The following CNOT2 variants were observed in gnomAD, a reference collection of about 807,000 sequenced individuals.
The protein encoded by CNOT2 is CC chemokine receptor 4-negative regulator of transcription 2.
A neutral mutation model predicts 72.1 loss-of-function variants in CNOT2; 7 were observed. The ratio of observed to expected loss-of-function variants is 0.10; its 90% CI spans 0.06 to 0.18. The LOEUF (loss-of-function observed/expected upper bound fraction) is 0.18, where lower values mean the gene tolerates loss of function less well. Among genes scored for constraint, CNOT2 ranks in the 10% least tolerant of loss-of-function variants. The probability of loss-of-function intolerance (pLI) is 1.00; values close to 1 mark genes in which losing one functional copy is unlikely to be tolerated. For missense variants in CNOT2, 345 were observed against 660.3 expected, an observed-to-expected ratio of 0.52 and a Z score of 5.23; for synonymous variants, 196 against 225.6, an observed-to-expected ratio of 0.87 and a Z score of 1.17.
rs1413096803 is a variant in CNOT2 at position 70,354,586 on chromosome 12, TAATA to T, written c.*675_*678del. 1.3e-5 allele frequency: 2 copies of T among 152,668 alleles called. No individual in the cohort carries two copies. Among genetic ancestry groups the T allele is most frequent in the Admixed American group, 6.5e-5 (1 of 15,280 alleles). The allele number at this position is 152,668 out of a possible 1,614,324, so 9.5% of individuals were successfully genotyped here. A position where few individuals can be genotyped will look rare whatever the true frequency, so the allele number is the denominator to read the frequency against. The stretch of plus-strand genomic sequence containing the variant: ...CTGTCCAGTCTTTGTTACGATTTTG[TAATA>T]AATGTGTACATTTTTTTTAAATTTT... On this transcript the variant is annotated 3_prime_UTR_variant, in exon 16 of 16. Coordinates refer to ENST00000229195, the MANE Select transcript of CNOT2 (RefSeq NM_014515.7).
chr12:70,351,197 T>C (rs1882822054), intron 15 of CNOT2, among the ~76,000 whole-genome samples: 1 of 152,138 alleles, frequency 6.6e-6, no homozygotes, highest in Admixed American at 6.5e-5. Flanking sequence ...AATGTTTTGT[T>C]CCTAAAACAA....
intron 6 of CNOT2, chr12:70,330,975 GTTTTTGTACTT>G (rs1879848868): frequency 6.6e-6 from 1 of 151,990 alleles, no homozygotes; most frequent in African/African-American, 2.4e-5. Flanking sequence ...AAAAAAACGG[GTTTTTGTACTT>G]TTTCACTTCT....
At chr12:70,286,259 T>C (rs1409854067) in intron 2 of CNOT2, among the ~76,000 whole-genome samples, 2 of 149,356 alleles carry the variant, frequency 1.3e-5, no homozygotes, top group Admixed American at 6.9e-5. Context: ...ATACCAATTT[T>C]GAGCCCCATC....
chr12:70,286,949 A>T (rs1408266849), intron 2 of CNOT2, among the ~76,000 whole-genome samples: 2 of 151,974 alleles, frequency 1.3e-5, no homozygotes, highest in Admixed American at 6.6e-5. Context: ...TTAAAAAAAA[A>T]TTTTTAGTTA....
At chr12:70,311,590 T>G in intron 3 of CNOT2, among the ~76,000 whole-genome samples, 1 of 151,976 alleles carries the variant, frequency 6.6e-6, no homozygotes, top group East Asian at 1.9e-4. Flanking sequence ...AGTTCAATAA[T>G]CCCATTTGGG....
rs147962314 is a variant in CNOT2 at position 70,262,588 on chromosome 12, A to G, written c.-95-15544A>G. 2.9e-3 allele frequency among the ~76,000 whole-genome samples: 444 copies of G among 152,254 alleles called. 1 individual carries two copies. Among genetic ancestry groups the G allele is most frequent in the African/African-American group, 0.01 (428 of 41,554 alleles). ...CGGCGCCCGGCCTAATTACATAATT[A>G]TTTTTATCAGTCTGTCAAGTTTGCT... On this transcript the variant is annotated intron_variant, in intron 1 of 15. Coordinates refer to ENST00000229195, the MANE Select transcript of CNOT2 (RefSeq NM_014515.7).
At chr12:70,299,978 T>A (rs1873602304) in intron 2 of CNOT2, among the ~76,000 whole-genome samples, 1 of 152,264 alleles carries the variant, frequency 6.6e-6, no homozygotes. Context: ...TGGCCAGTGA[T>A]GATGAGCATT....
At chr12:70,279,474 T>C (rs1375986392) in intron 2 of CNOT2, among the ~76,000 whole-genome samples, 1 of 152,210 alleles carries the variant, frequency 6.6e-6, no homozygotes, top group Non-Finnish European at 1.5e-5. Flanking sequence ...GAATCAGTTT[T>C]CTCTGTAACC....
chr12:70,319,513 A>C, intron 4 of CNOT2, 149 bp downstream of exon 4: 1 of 697,236 alleles, frequency 1.4e-6, no homozygotes, highest in Non-Finnish European at 2.4e-6. Flanking sequence ...TTTTACTTAC[A>C]TAGCAAAACC....
intron 1 of CNOT2, among the ~76,000 whole-genome samples, chr12:70,247,855 G>A (rs2135687960): frequency 6.6e-6 from 1 of 152,298 alleles, no homozygotes; most frequent in Non-Finnish European, 1.5e-5. Flanking sequence ...CAGATCTGAA[G>A]CAACAGATTG....
intron 2 of CNOT2, among the ~76,000 whole-genome samples, chr12:70,282,115 TA>T: frequency 6.6e-6 from 1 of 152,070 alleles, no homozygotes; most frequent in African/African-American, 2.4e-5. Context: ...GTTGTTCCAA[TA>T]AAATTAAATA....
intron 2 of CNOT2, among the ~76,000 whole-genome samples, chr12:70,307,017 A>G (rs1184442712): frequency 1.3e-5 from 2 of 152,154 alleles, no homozygotes; most frequent in Non-Finnish European, 1.5e-5. Flanking sequence ...GATACAAAAC[A>G]TTTTTTTAAA....
intron 6 of CNOT2, 101 bp from the exon 7 acceptor site, chr12:70,332,666 T>C: frequency 7.4e-7 from 1 of 1,357,028 alleles, no homozygotes; most frequent in Non-Finnish European, 9.5e-7. Flanking sequence ...TTGAAACATA[T>C]TGTTATTTTA....
intron 2 of CNOT2, among the ~76,000 whole-genome samples, chr12:70,287,057 G>A (rs532410258): frequency 4.0e-5 from 6 of 151,850 alleles, no homozygotes; most frequent in Admixed American, 6.6e-5. Flanking sequence ...AGGCTTTTTG[G>A]GGGGTTCATA....
chr12:70,331,645 G>C (rs951362685), intron 6 of CNOT2: 2 of 151,634 alleles, frequency 1.3e-5, no homozygotes, highest in Non-Finnish European at 2.9e-5. Context: ...ATGTTTGATG[G>C]TACCTGTAAT....
At chr12:70,247,265 A>G (rs1593014101) in intron 1 of CNOT2, among the ~76,000 whole-genome samples, 1 of 152,012 alleles carries the variant, frequency 6.6e-6, no homozygotes, top group African/African-American at 2.4e-5. Flanking sequence ...CCCGGGTTCA[A>G]GCGGTTCTCC....
At chr12:70,332,947 A>G in intron 7 of CNOT2, 101 bp downstream of exon 7, 4 of 1,360,562 alleles carry the variant, frequency 2.9e-6, no homozygotes, top group Middle Eastern at 5.6e-4. Context: ...AGGATTTTTT[A>G]TTATGTTAGA....
chr12:70,353,913 T>TAAAAAA lies in CNOT2; in HGVS notation c.*18_*23dup, dbSNP rs35192504. ...CTACAACCCTGCTCAGCAAGCCTTC[T>TAAAAAA]AAAAAAAAAAAAAAAAAAAAAAAAA... On this transcript the variant is annotated inframe_insertion and stop_retained_variant, in exon 16 of 16. Transcript: ENST00000229195. 176 of 1,275,298 alleles carry TAAAAAA rather than the reference T, an allele frequency of 1.4e-4. No homozygotes were observed. In the African/African-American group the frequency reaches 2.2e-3, roughly 16 times the overall value. The allele number at this position is 1,275,298 out of a possible 1,614,324, so 79.0% of individuals were successfully genotyped here. A position where few individuals can be genotyped will look rare whatever the true frequency, so the allele number is the denominator to read the frequency against.
intron 1 of CNOT2, 117 bp from the exon 2 acceptor site, chr12:70,278,010 CTAGAG>C (rs1238442788): frequency 2.5e-5 from 11 of 438,932 alleles, no homozygotes; most frequent in South Asian, 1.8e-4. Context: ...ACGAGGAAGA[CTAGAG>C]TATAGAACAA....
Sources: gnomAD v4.1 joint callset for allele counts (sites outside exome capture counted in the v4.1 genomes callset) on GRCh38, gnomAD v4.1.1 for gene constraint, MANE v1.5 for transcripts, NCBI Gene and HGNC (gene_info 2026-07-23, HGNC 2026-07-21) for gene names.